IFT140: variants seen among roughly 807,000 people sequenced by gnomAD.
The protein encoded by IFT140 is intraflagellar transport protein 140 homolog.
IFT140 carries 133 observed loss-of-function variants against 164.6 expected under a neutral mutation model. The observed-to-expected ratio is 0.81, with a 90% confidence interval of 0.70 to 0.93. The LOEUF (loss-of-function observed/expected upper bound fraction) is 0.93. Ranked by LOEUF, IFT140 falls within the 40% of genes least tolerant of loss-of-function variation. The pLI, the probability that IFT140 is intolerant of heterozygous loss-of-function variation, is 0.00. For synonymous variants in IFT140, 860 were observed against 817.3 expected (o/e 1.05, Z -0.89); for missense variants, 2,045 against 1,972.3 (o/e 1.04, Z -0.70).
intron 13 of IFT140, chr16:1,577,019 A>G (rs1221395543): frequency 6.6e-6 from 1 of 152,196 alleles, no homozygotes; most frequent in African/African-American, 2.4e-5. Context: ...TGCACATCAC[A>G]TTAAAAAGTG....
At chr16:1,536,952 G>T (rs2031133123) in intron 19 of IFT140, among the ~76,000 whole-genome samples, 1 of 152,236 alleles carries the variant, frequency 6.6e-6, no homozygotes, top group African/African-American at 2.4e-5. Context: ...GCAAAATCCT[G>T]CCGTGTGACC....
chr16:1,562,784 AG>A (rs2033488612), intron 17 of IFT140, among the ~76,000 whole-genome samples: 1 of 151,998 alleles, frequency 6.6e-6, no homozygotes, highest in African/African-American at 2.4e-5. Flanking sequence ...AAATAAAAGA[AG>A]AAAAAAAAAT....
In IFT140 at chr16:1,524,807, A is replaced by G; in HGVS notation, c.2974T>C (p.Cys992Arg). The G allele has an allele frequency of 6.2e-7, 1 of 1,610,632 alleles. No homozygotes were observed. Among genetic ancestry groups the G allele is most frequent in the Non-Finnish European group, 8.5e-7 (1 of 1,177,362 alleles). The stretch of plus-strand genomic sequence containing the variant: ...ACCTTCTGGACATTGCCCTGGAAGC[A>G]GTGGATGCGGACCAGGGAGAAGTGG... Reference protein sequence around the residue: ...RDHFSLVRIHCFQGNVQKAAQ... With the variant: ...RDHFSLVRIHRFQGNVQKAAQ... The change falls in exon 23 of 31, where the codon TGC (cysteine) becomes CGC (arginine). Residue 992 changes from cysteine to arginine, a missense_variant. Coordinates refer to ENST00000426508, the MANE Select transcript of IFT140 (RefSeq NM_014714.4).
In IFT140 at chr16:1,602,538, C is replaced by A. The variant is rs138991209; in HGVS notation, c.201G>T (p.Leu67=). 9.3e-6 allele frequency: 15 copies of A among 1,614,116 alleles called. No individual in the cohort carries two copies. The African/African-American group carries it at 1.9e-4, about 20-fold the overall frequency. Reference sequence around the variant, plus strand: ...GCACCAGCCGCGTCGGGTGCCAGCACAGGGAAGCAACCCGGAACGGCCTCT... The same window carrying A: ...GCACCAGCCGCGTCGGGTGCCAGCAAAGGGAAGCAACCCGGAACGGCCTCT... The part of the protein sequence containing the change: ...HVERPFRVAS[L]CWHPTRLVLA... Residue 67 remains leucine (L), a synonymous_variant, in exon 4 of 31, where the codon CTG becomes CTT. Transcript: ENST00000426508.
chr16:1,589,842 C>G, intron 6 of IFT140, 62 bp from the exon 7 acceptor site: 1 of 1,401,944 alleles, frequency 7.1e-7, no homozygotes, highest in Non-Finnish European at 9.9e-7. Context: ...CCATGACCCT[C>G]ACCAGCAGCC....
At chr16:1,599,832 G>T (rs2035692549) in intron 4 of IFT140, among the ~76,000 whole-genome samples, 1 of 89,556 alleles carries the variant, frequency 1.1e-5, no homozygotes, top group Admixed American at 1.0e-4. Flanking sequence ...GGAGGTGGGG[G>T]GGTCAGCCCC....
intron 4 of IFT140, among the ~76,000 whole-genome samples, chr16:1,597,173 C>T (rs2035506179): frequency 6.6e-6 from 1 of 152,176 alleles, no homozygotes; most frequent in African/African-American, 2.4e-5. Context: ...TGAGGGTTTA[C>T]TTGACCCTCA....
Position 1,589,642 on chromosome 16 carries a change from G to A in IFT140, c.773C>T (p.Thr258Met), listed in dbSNP as rs140020318. 1.6e-5 allele frequency: 26 copies of A among 1,614,000 alleles called. 1 individual carries two copies. Among genetic ancestry groups the A allele is most frequent in the Admixed American group, 5.0e-5 (3 of 60,000 alleles). Reference protein sequence around the residue: ...VTENLRLSLYTVPPEGKAEEV... With the variant: ...VTENLRLSLYMVPPEGKAEEV... ...TTCTGCTTTGCCCTCAGGAGGCACC[G>A]TGTACAGGGACAGCCGGAGGTTCTC... The change falls in exon 7 of 31, where the codon ACG becomes ATG. Residue 258 changes from threonine (T) to methionine (M), a missense_variant. Coordinates refer to ENST00000426508, the MANE Select transcript of IFT140 (RefSeq NM_014714.4).
chr16:1,580,728 C>G (rs1432489005), intron 13 of IFT140, 31 bp downstream of exon 13: 2 of 1,465,120 alleles, frequency 1.4e-6, no homozygotes, highest in African/African-American at 2.8e-5. Context: ...AAACTCTGCT[C>G]TGGTTTTCTT....
chr16:1,597,983 A>G (rs1202716066), intron 4 of IFT140, among the ~76,000 whole-genome samples: 2 of 152,218 alleles, frequency 1.3e-5, no homozygotes, highest in African/African-American at 2.4e-5. Context: ...GAGTTATTTT[A>G]TACTAATGTG....
chr16:1,604,280 T>TGTGTGTGC (rs2035945108), intron 3 of IFT140: 2 of 128,358 alleles, frequency 1.6e-5, no homozygotes, highest in South Asian at 5.1e-4. Context: ...AGGGCGTGTG[T>TGTGTGTGC]GTGTGTGTGT....
At chr16:1,574,076 C>T (rs1418224923) in intron 13 of IFT140, among the ~76,000 whole-genome samples, 2 of 152,150 alleles carry the variant, frequency 1.3e-5, no homozygotes, top group East Asian at 1.9e-4. Flanking sequence ...CACCAATGCT[C>T]AGCCCATTGC....
At chr16:1,541,219 C>T in intron 19 of IFT140, 2 of 985,404 alleles carry the variant, frequency 2.0e-6, no homozygotes, top group Non-Finnish European at 2.4e-6. Flanking sequence ...GGAAGCAGGC[C>T]CTGACTTAAG....
chr16:1,531,521 AAGCAACAGGGAG>A lies in IFT140; in HGVS notation c.2400-4737_2400-4726del, dbSNP rs1567337305. 1 of 152,288 alleles carries A rather than the reference AAGCAACAGGGAG, an allele frequency of 6.6e-6. No homozygotes were observed. The highest frequency in any genetic ancestry group is 1.5e-5 in the Non-Finnish European group (1 of 68,174). The allele number at this position is 152,288 out of a possible 1,614,324, so 9.4% of individuals were successfully genotyped here. On this transcript the variant is annotated intron_variant, in intron 19 of 30. Transcript: ENST00000426508. This position sits in a 1 kb window ranked among gnomAD's most constrained non-coding sequence, Gnocchi z 4.7. ...GGGACTCCACCGTGACCAAGACCCC[AAGCAACAGGGAG>A]AGCAGGAGGGTGTGATGCACTGTGG...
Position 1,553,280 on chromosome 16 carries a change from C to G in IFT140, c.2399+4655G>C. Reference sequence around the variant, plus strand: ...TGTATCTCTCTTGGTCTCTGTCTCTCTGTGTCTCTGCCTGTCTCTCTGTGT... The same window carrying G: ...TGTATCTCTCTTGGTCTCTGTCTCTGTGTGTCTCTGCCTGTCTCTCTGTGT... On this transcript the variant is annotated intron_variant, in intron 19 of 30. Transcript: ENST00000426508. This position sits in a 1 kb window ranked among gnomAD's most constrained non-coding sequence, Gnocchi z 4.4. 2 of 981,760 alleles carry G rather than the reference C, an allele frequency of 2.0e-6. No individual in the cohort carries two copies. Among genetic ancestry groups the G allele is most frequent in the South Asian group, 9.5e-5 (2 of 21,154 alleles). The allele number at this position is 981,760 out of a possible 1,614,324, so 60.8% of individuals were successfully genotyped here.
chr16:1,510,574 T>C lies in IFT140; in HGVS notation c.*370A>G, dbSNP rs1305524414. On this transcript the variant is annotated 3_prime_UTR_variant, in exon 31 of 31. Coordinates refer to ENST00000426508, the MANE Select transcript of IFT140 (RefSeq NM_014714.4). ...CTGCAGGAGTATGGGGAGGATATGA[T>C]GTGTGGGGAGCAGGGGGGCAGGTGC... 2.9e-6 allele frequency: 1 copy of C among 345,662 alleles called. No individual in the cohort carries two copies. Among genetic ancestry groups the C allele is most frequent in the Non-Finnish European group, 5.4e-6 (1 of 186,830 alleles). The allele number at this position is 345,662 out of a possible 1,614,324, so 21.4% of individuals were successfully genotyped here. A position where few individuals can be genotyped will look rare whatever the true frequency, so the allele number is the denominator to read the frequency against.
chr16:1,517,762 G>A (rs1234973039), intron 30 of IFT140, among the ~76,000 whole-genome samples: 1 of 152,216 alleles, frequency 6.6e-6, no homozygotes, highest in Non-Finnish European at 1.5e-5. Flanking sequence ...CACAAATAAA[G>A]TAAGTCTGTC....
intron 19 of IFT140, chr16:1,534,152 C>A: frequency 7.8e-7 from 1 of 1,285,380 alleles, no homozygotes; most frequent in Non-Finnish European, 1.0e-6. Context: ...CCTCCGCCCG[C>A]GCCGCCCCGA....
chr16:1,582,472 C>A (rs1460032262), intron 12 of IFT140, among the ~76,000 whole-genome samples: 3 of 152,228 alleles, frequency 2.0e-5, no homozygotes, highest in African/African-American at 7.2e-5. Context: ...AAAAGTGAAA[C>A]TGATTTGGGA....
Sources: allele counts gnomAD v4.1 joint callset (sites outside exome capture counted in the v4.1 genomes callset), GRCh38; gene constraint gnomAD v4.1.1; non-coding constraint Gnocchi (gnomAD v3.1); transcripts MANE v1.5; gene names NCBI Gene and HGNC (gene_info 2026-07-23, HGNC 2026-07-21).